The following PPARG variants were observed in gnomAD, a reference collection of about 807,000 sequenced individuals.
The protein encoded by PPARG is peroxisome proliferator-activated receptor gamma.
In PPARG, 17 loss-of-function variants were observed where a neutral mutation model predicts 39.2. That is an observed-to-expected ratio of 0.43 (90% CI 0.30 to 0.65). The LOEUF (loss-of-function observed/expected upper bound fraction) is 0.65, where lower values mean the gene tolerates loss of function less well. Ranked by LOEUF, PPARG falls within the 30% of genes least tolerant of loss-of-function variation. The pLI, the probability that PPARG is intolerant of heterozygous loss-of-function variation, is 0.13. For missense variants in PPARG, 406 were observed against 585.9 expected (o/e 0.69, Z 3.17); for synonymous variants, 223 against 215.7 (o/e 1.03, Z -0.30).
intron 2 of PPARG, among the ~76,000 whole-genome samples, chr3:12,321,603 C>G (rs959898573): frequency 1.3e-5 from 2 of 152,166 alleles, no homozygotes; most frequent in African/African-American, 2.4e-5. Context: ...TCTGACCAAG[C>G]AATCCATCGT....
At chr3:12,332,278 AT>A (rs2047883716) in intron 2 of PPARG, among the ~76,000 whole-genome samples, 1 of 152,160 alleles carries the variant, frequency 6.6e-6, no homozygotes, top group African/African-American at 2.4e-5. Flanking sequence ...ATAGGGTGAA[AT>A]AAAATTTAAA....
At chr3:12,362,649 A>T (rs936664062) in intron 2 of PPARG, among the ~76,000 whole-genome samples, 1 of 152,076 alleles carries the variant, frequency 6.6e-6, no homozygotes, top group African/African-American at 2.4e-5. Context: ...TTTTCCAATT[A>T]TTCTTTGTCT....
intron 1 of PPARG, among the ~76,000 whole-genome samples, chr3:12,289,694 A>G (rs2046600776): frequency 6.6e-6 from 1 of 152,198 alleles, no homozygotes; most frequent in East Asian, 1.9e-4. Context: ...ATGGTGCTAG[A>G]TGATTTAGAA....
At chr3:12,426,044 T>C (rs2655259) in intron 7 of PPARG, among the ~76,000 whole-genome samples, 2,195 of 152,162 alleles carry the variant, frequency 0.014, 22 homozygotes, top group Middle Eastern at 0.034. Context: ...GGGAGTTGCA[T>C]ATTGGAGGTG....
At chr3:12,326,539 G>T (rs3892175) in intron 2 of PPARG, among the ~76,000 whole-genome samples, 1 of 151,986 alleles carries the variant, frequency 6.6e-6, no homozygotes, top group African/African-American at 2.4e-5. Context: ...TTTACATAGC[G>T]CTGTTTTGGA....
chr3:12,433,762 C>T, intron 7 of PPARG, 136 bp from the exon 8 acceptor site: 1 of 1,225,610 alleles, frequency 8.2e-7, no homozygotes, highest in Non-Finnish European at 1.2e-6. Context: ...TTCCTCCCCA[C>T]CTATTTAAGA....
At chr3:12,302,879 C>G (rs2124959325) in intron 1 of PPARG, among the ~76,000 whole-genome samples, 2 of 152,136 alleles carry the variant, frequency 1.3e-5, no homozygotes, top group Middle Eastern at 6.8e-3. Context: ...CCGGACATAC[C>G]ATGAGGAGGG....
intron 2 of PPARG, among the ~76,000 whole-genome samples, chr3:12,377,467 T>C (rs1375654719): frequency 6.6e-6 from 1 of 152,210 alleles, no homozygotes; most frequent in Non-Finnish European, 1.5e-5. Flanking sequence ...GAAAAGATTA[T>C]TGAGTAATTT....
At chr3:12,406,221 T>A in intron 6 of PPARG, 140 bp downstream of exon 6, 1 of 886,924 alleles carries the variant, frequency 1.1e-6, no homozygotes, top group Non-Finnish European at 1.8e-6. Context: ...TATTGCAGGC[T>A]GAGTCTGAAA....
chr3:12,347,621 G>A (rs999050234), intron 2 of PPARG, among the ~76,000 whole-genome samples: 1 of 152,158 alleles, frequency 6.6e-6, no homozygotes, highest in Admixed American at 6.5e-5. Context: ...TTGGGTAGGG[G>A]GAGAAGTGAG....
rs1257018845 is a variant in PPARG at position 12,308,367 on chromosome 3, AAAAGG to A, written c.-82-4012_-82-4008del. Among the ~76,000 whole-genome samples, 15 of 149,166 alleles carry A rather than the reference AAAAGG, an allele frequency of 1.0e-4. No individual in the cohort carries two copies. The East Asian group carries it at 2.9e-3, about 29-fold the overall frequency. ...TCAAAAAAAAAAAAAAAAAAAAAAA[AAAAGG>A]GAGAAACTGATTTCAAGGAGCCAAG... On this transcript the variant is annotated intron_variant, in intron 1 of 7. Transcript: ENST00000651735.
chr3:12,423,609 C>A (rs887940102), intron 7 of PPARG, among the ~76,000 whole-genome samples: 2 of 152,220 alleles, frequency 1.3e-5, no homozygotes, highest in African/African-American at 4.8e-5. Context: ...CCCTCTTCAT[C>A]TGCTAGCATC....
At chr3:12,296,850 A>G (rs778327726) in intron 1 of PPARG, among the ~76,000 whole-genome samples, 2 of 152,234 alleles carry the variant, frequency 1.3e-5, no homozygotes, top group African/African-American at 2.4e-5. Flanking sequence ...TTTACAAGAT[A>G]TGGATTTGTA....
intron 7 of PPARG, among the ~76,000 whole-genome samples, chr3:12,417,515 A>G (rs904015795): frequency 6.6e-5 from 10 of 152,186 alleles, no homozygotes; most frequent in Non-Finnish European, 1.5e-4. Context: ...AATGGCATGT[A>G]TAACTTTGCT....
chr3:12,409,134 T>A, intron 6 of PPARG, among the ~76,000 whole-genome samples: 1 of 152,240 alleles, frequency 6.6e-6, no homozygotes, highest in East Asian at 1.9e-4. Context: ...TTACTCAGAC[T>A]ATATTTGCTT....
chr3:12,341,988 G>A (rs1575022841), intron 2 of PPARG, among the ~76,000 whole-genome samples: 1 of 152,178 alleles, frequency 6.6e-6, no homozygotes, highest in African/African-American at 2.4e-5. Context: ...ACTGATGACT[G>A]TCTAATTGAA....
chr3:12,334,412 G>T (rs1479474993), intron 2 of PPARG, among the ~76,000 whole-genome samples: 1 of 151,810 alleles, frequency 6.6e-6, no homozygotes, highest in Admixed American at 6.6e-5. Context: ...TATATTTTTA[G>T]TAGAGATGGG....
intron 5 of PPARG, chr3:12,399,442 C>T: frequency 2.2e-6 from 1 of 455,302 alleles, no homozygotes; most frequent in Non-Finnish European, 4.4e-6. Context: ...GAGAAGTGAG[C>T]CAAGCGTGGT....
At chr3:12,319,654 T>C (rs1236096813) in intron 2 of PPARG, among the ~76,000 whole-genome samples, 1 of 152,082 alleles carries the variant, frequency 6.6e-6, no homozygotes, top group Non-Finnish European at 1.5e-5. Context: ...ACTATAGAGA[T>C]ATTTAATACT....
Sources: gnomAD v4.1 joint callset for allele counts (sites outside exome capture counted in the v4.1 genomes callset) on GRCh38, gnomAD v4.1.1 for gene constraint, MANE v1.5 for transcripts, NCBI Gene and HGNC (gene_info 2026-07-23, HGNC 2026-07-21) for gene names.